KLF17: variants seen among roughly 807,000 people sequenced by gnomAD.
KLF17 encodes Krueppel-like factor 17.
In KLF17, 31 loss-of-function variants were observed where a neutral mutation model predicts 34.2. The observed-to-expected ratio is 0.91, with a 90% CI of 0.68 to 1.22. The LOEUF is 1.22. KLF17 is among the 50% of genes most tolerant of loss of function. The pLI is 0.00. For synonymous variants in KLF17, 179 were observed against 186.7 expected (o/e 0.96, Z 0.34); for missense variants, 478 against 505.2 (o/e 0.95, Z 0.52).
At chr1:44,065,061 G>A in the KLF17 span, among the ~76,000 whole-genome samples, 1 of 152,150 alleles carries the variant, frequency 6.6e-6, no homozygotes, top group Non-Finnish European at 1.5e-5. Flanking sequence ...GGCTGAGGCG[G>A]GCGGATCACG....
intron 2 of KLF17, 24 bp from the exon 3 acceptor site, chr1:44,130,488 C>T: frequency 6.2e-7 from 1 of 1,613,798 alleles, no homozygotes; most frequent in Non-Finnish European, 8.5e-7. Context: ...ATTCTAAATT[C>T]CATCTCTCCC....
At chr1:44,119,173 A>C (rs1280235732) in intron 1 of KLF17, among the ~76,000 whole-genome samples, 185 bp downstream of exon 1, 1 of 127,588 alleles carries the variant, frequency 7.8e-6, no homozygotes, top group Non-Finnish European at 1.6e-5. Context: ...GGGATGGGAG[A>C]TTGGGGAGGG....
At chr1:44,065,880 T>C in the KLF17 span, among the ~76,000 whole-genome samples, 19,674 of 152,058 alleles carry the variant, frequency 0.13, 1,483 homozygotes, top group African/African-American at 0.21. Context: ...AGTAATTCAA[T>C]AGAAAAATTA....
chr1:44,111,463 G>GTTTTTTTTTT, the KLF17 span, among the ~76,000 whole-genome samples: 1 of 90,474 alleles, frequency 1.1e-5, no homozygotes, highest in Admixed American at 1.3e-4. Context: ...TTTGCAACTT[G>GTTTTTTTTTT]TTTTTTTTTT....
At chr1:44,048,800 A>G in the KLF17 span, among the ~76,000 whole-genome samples, 1 of 151,260 alleles carries the variant, frequency 6.6e-6, no homozygotes, top group Non-Finnish European at 1.5e-5. Context: ...TGCAAAGTTG[A>G]TTTAGTTTGA....
At chr1:44,048,054 G>A in the KLF17 span, 4 of 151,654 alleles carry the variant, frequency 2.6e-5, no homozygotes, top group East Asian at 2.0e-4. Context: ...GTGCACGCAC[G>A]TATGTGTTGG....
chr1:44,089,836 C>G, the KLF17 span, among the ~76,000 whole-genome samples: 1 of 152,056 alleles, frequency 6.6e-6, no homozygotes, highest in African/African-American at 2.4e-5. Flanking sequence ...TGTATGAGTG[C>G]TTCATGTTAC....
chr1:44,063,890 C>A, the KLF17 span, among the ~76,000 whole-genome samples: 10 of 152,124 alleles, frequency 6.6e-5, no homozygotes, highest in Non-Finnish European at 1.5e-4. Context: ...GTGTTGGATG[C>A]CTCTGAGAAG....
the KLF17 span, among the ~76,000 whole-genome samples, chr1:44,080,087 C>T: frequency 2.0e-5 from 3 of 151,924 alleles, no homozygotes; most frequent in Non-Finnish European, 2.9e-5. Flanking sequence ...TGCCACCATG[C>T]GTGGCTAATT....
the KLF17 span, among the ~76,000 whole-genome samples, chr1:44,090,333 A>AAAAAAG: frequency 7.1e-6 from 1 of 141,082 alleles, no homozygotes; most frequent in Non-Finnish European, 1.6e-5. Context: ...AAAAAAAAAA[A>AAAAAAG]AAAAGAAAAG....
chr1:44,126,749 TTA>T (rs1208946774), intron 1 of KLF17, among the ~76,000 whole-genome samples: 2 of 152,134 alleles, frequency 1.3e-5, no homozygotes, highest in Admixed American at 1.3e-4. Flanking sequence ...AGGAATAGAA[TTA>T]GAGACAAGTC....
chr1:44,089,934 G>C, the KLF17 span, among the ~76,000 whole-genome samples: 1 of 152,132 alleles, frequency 6.6e-6, no homozygotes, highest in African/African-American at 2.4e-5. Flanking sequence ...GGCCAAGGGG[G>C]GCGGATCACT....
At chr1:44,083,400 A>G in the KLF17 span, among the ~76,000 whole-genome samples, 1 of 152,122 alleles carries the variant, frequency 6.6e-6, no homozygotes, top group Non-Finnish European at 1.5e-5. Flanking sequence ...CTTGCTCACA[A>G]ACTAGCCCAC....
chr1:44,122,118 C>G (rs2087952895), intron 1 of KLF17: 3 of 1,290,174 alleles, frequency 2.3e-6, no homozygotes, highest in Admixed American at 3.6e-5. Flanking sequence ...TATCCCAAAT[C>G]CCGTATGACT....
At chr1:44,115,459 AAAAAAAAAAAAAACC>A (rs2087870973), upstream of KLF17, 2 of 151,140 alleles carry the variant, frequency 1.3e-5, no homozygotes, top group Non-Finnish European at 2.9e-5. Context: ...TCAAAAAAAA[AAAAAAAAAAAAAACC>A]AAAACAAAAA....
chr1:44,085,033 G>A, the KLF17 span, among the ~76,000 whole-genome samples: 1 of 151,564 alleles, frequency 6.6e-6, no homozygotes, highest in Non-Finnish European at 1.5e-5. Flanking sequence ...TTATGGGCAA[G>A]TGAGCATTAC....
chr1:44,070,274 C>T, the KLF17 span, among the ~76,000 whole-genome samples: 1 of 152,126 alleles, frequency 6.6e-6, no homozygotes, highest in African/African-American at 2.4e-5. Context: ...GAAGTCAGGG[C>T]TTGTGGTGGA....
chr1:44,127,922 A>AT lies in KLF17; in HGVS notation c.82-1430dup, dbSNP rs936973976. 4.9e-5 allele frequency among the ~76,000 whole-genome samples: 7 copies of AT among 142,984 alleles called. No individual in the cohort carries two copies. The Admixed American group carries it at 4.9e-4, about 10-fold the overall frequency. The allele number at this position is 142,984 out of a possible 152,430, so 93.8% of individuals were successfully genotyped here. A position where few individuals can be genotyped will look rare whatever the true frequency, so the allele number is the denominator to read the frequency against. On this transcript the variant is annotated intron_variant, in intron 1 of 3. Transcript: ENST00000372299. Reference sequence around the variant, plus strand: ...CTGTCTTGGTGGTTTATTATCTTGTATGGATATTGTATTTTAAACTTCTCT... The same window carrying AT: ...CTGTCTTGGTGGTTTATTATCTTGTATTGGATATTGTATTTTAAACTTCTCT...
the KLF17 span, chr1:44,103,484 GC>G: frequency 1.1e-6 from 1 of 945,892 alleles, no homozygotes; most frequent in Non-Finnish European, 1.7e-6. Flanking sequence ...GGCTCGTGAG[GC>G]CCCCATAGGC....
Sources: gnomAD v4.1 joint callset for allele counts (sites outside exome capture counted in the v4.1 genomes callset) on GRCh38, gnomAD v4.1.1 for gene constraint, MANE v1.5 for transcripts, NCBI Gene and HGNC (gene_info 2026-07-23, HGNC 2026-07-21) for gene names.